The following NLGN1 variants were observed in gnomAD, a reference collection of about 807,000 sequenced individuals.
NLGN1 encodes neuroligin-1.
Under a neutral mutation model 65.5 loss-of-function variants are expected in NLGN1, and 12 were observed. The observed-to-expected ratio is 0.18, with a 90% CI of 0.12 to 0.30. NLGN1 has a LOEUF of 0.30. Among genes scored for constraint, NLGN1 ranks in the 10% least tolerant of loss-of-function variants. The probability of loss-of-function intolerance (pLI) is 1.00; values close to 1 mark genes in which losing one functional copy is unlikely to be tolerated. For missense variants in NLGN1, 750 were observed against 1,007.1 expected, an observed-to-expected ratio of 0.74 and a Z score of 3.46; for synonymous variants, 350 against 359.5, an observed-to-expected ratio of 0.97 and a Z score of 0.30.
At chr3:174,185,075 G>A (rs903909746) in intron 4 of NLGN1, among the ~76,000 whole-genome samples, 4 of 151,866 alleles carry the variant, frequency 2.6e-5, no homozygotes, top group Admixed American at 1.3e-4. Flanking sequence ...GTATGCAAAG[G>A]CCCTGCTATA....
At chr3:173,535,605 A>G (rs953145653) in intron 2 of NLGN1, among the ~76,000 whole-genome samples, 5 of 152,158 alleles carry the variant, frequency 3.3e-5, no homozygotes, top group Non-Finnish European at 7.3e-5. Flanking sequence ...AGATTATCAG[A>G]CACCACATCT....
intron 2 of NLGN1, among the ~76,000 whole-genome samples, chr3:173,517,615 T>C (rs1183052043): frequency 2.6e-5 from 4 of 152,130 alleles, no homozygotes; most frequent in Admixed American, 2.6e-4. Context: ...ACAATTCCTG[T>C]GATTAGTTTT....
At position 174,280,494 on chromosome 3, in the gene NLGN1, C is replaced by T; in HGVS notation, c.1663C>T (p.Pro555Ser). The change falls in exon 7 of 7, where the codon CCA (proline) becomes TCA (serine). Residue 555 changes from proline (P) to serine (S), a missense_variant. Pro to Ser is a moderately conservative substitution (Grantham distance 74). Coordinates refer to ENST00000457714, the Ensembl canonical transcript of NLGN1. The surrounding 1 kb of genome is among the most constrained non-coding windows in gnomAD (Gnocchi z 4.9). Reference sequence around the variant, plus strand: ...TTTCCTTCTTAGTGACCCAAATCAACCAGTCCCTCAAGACACGAAATTCAT... The same window carrying T: ...TTTCCTTCTTAGTGACCCAAATCAATCAGTCCCTCAAGACACGAAATTCAT... 1 of 1,600,092 alleles carries T rather than the reference C, an allele frequency of 6.2e-7. No homozygotes were observed. Among genetic ancestry groups the T allele is most frequent in the Non-Finnish European group, 8.5e-7 (1 of 1,174,062 alleles).
At chr3:174,068,919 C>T (rs1739233185) in intron 4 of NLGN1, among the ~76,000 whole-genome samples, 1 of 152,030 alleles carries the variant, frequency 6.6e-6, no homozygotes, top group African/African-American at 2.4e-5. Flanking sequence ...TGGGGTAATT[C>T]TAGAGATTTA....
At chr3:173,506,604 C>T (rs559014787) in intron 2 of NLGN1, among the ~76,000 whole-genome samples, 1 of 152,098 alleles carries the variant, frequency 6.6e-6, no homozygotes, top group Non-Finnish European at 1.5e-5. Flanking sequence ...GCTATTAAAC[C>T]TGCTACTATG....
intron 3 of NLGN1, among the ~76,000 whole-genome samples, chr3:173,654,211 C>G (rs1482609783): frequency 6.6e-6 from 1 of 152,118 alleles, no homozygotes; most frequent in Non-Finnish European, 1.5e-5. Context: ...CCGCTTTGCA[C>G]TAAGTTGTCA....
intron 4 of NLGN1, among the ~76,000 whole-genome samples, chr3:174,218,678 C>T (rs1336360274): frequency 1.3e-5 from 2 of 152,036 alleles, no homozygotes; most frequent in East Asian, 3.9e-4. Context: ...AAAATTGCAT[C>T]AGGACAGCAT....
At chr3:174,261,494 T>G (rs1176379995) in intron 4 of NLGN1, among the ~76,000 whole-genome samples, 4 of 148,794 alleles carry the variant, frequency 2.7e-5, no homozygotes, top group South Asian at 2.2e-4. Flanking sequence ...TTTGTCTGTT[T>G]TTGGTGTATA....
intron 3 of NLGN1, among the ~76,000 whole-genome samples, chr3:173,767,821 G>A (rs898253370): frequency 2.1e-4 from 32 of 151,864 alleles, no homozygotes; most frequent in African/African-American, 3.9e-4. Flanking sequence ...CTTGAAATGC[G>A]TCTAGACAAA....
intron 3 of NLGN1, among the ~76,000 whole-genome samples, chr3:173,728,646 A>G (rs1161256076): frequency 6.6e-6 from 1 of 152,126 alleles, no homozygotes; most frequent in Non-Finnish European, 1.5e-5. Context: ...AAAGACTGGT[A>G]TCTTTGTAAG....
intron 3 of NLGN1, among the ~76,000 whole-genome samples, chr3:173,655,781 A>C (rs1051414397): frequency 6.6e-6 from 1 of 151,980 alleles, no homozygotes; most frequent in Non-Finnish European, 1.5e-5. Flanking sequence ...CTGACACTAC[A>C]TGTATATGAC....
chr3:173,767,543 G>T (rs571148598), intron 3 of NLGN1, among the ~76,000 whole-genome samples: 1 of 152,046 alleles, frequency 6.6e-6, no homozygotes, highest in South Asian at 2.1e-4. Flanking sequence ...TAATAACAGA[G>T]AATTATCCAG....
chr3:173,474,372 G>T (rs1452201922), intron 2 of NLGN1, among the ~76,000 whole-genome samples: 1 of 152,078 alleles, frequency 6.6e-6, no homozygotes, highest in African/African-American at 2.4e-5. Flanking sequence ...CAATTATTCT[G>T]TGAAGCGTTG....
intron 2 of NLGN1, among the ~76,000 whole-genome samples, chr3:173,529,025 A>C (rs531769207): frequency 6.6e-6 from 1 of 152,272 alleles, no homozygotes; most frequent in Non-Finnish European, 1.5e-5. Flanking sequence ...ATGGTACCAG[A>C]ATTCTTATGC....
At chr3:173,979,786 G>A (rs977730081) in intron 4 of NLGN1, among the ~76,000 whole-genome samples, 15 of 152,016 alleles carry the variant, frequency 9.9e-5, no homozygotes, top group African/African-American at 3.1e-4. Context: ...TCGTGTTATT[G>A]ACTGCTTGTG....
intron 3 of NLGN1, among the ~76,000 whole-genome samples, chr3:173,673,933 C>T (rs1208201538): frequency 6.6e-6 from 1 of 152,042 alleles, no homozygotes; most frequent in Non-Finnish European, 1.5e-5. Context: ...GTTAAATACC[C>T]TTAGAGGATT....
Position 173,536,766 on chromosome 3 carries a change from C to CGT in NLGN1, c.-320-67499_-320-67498dup, listed in dbSNP as rs772493207. ...GGGGATATGTGTGTGCACGAGTGTG[C>CGT]GTGTGTGTGTGTGTGCGTAGGGAGA... is the stretch of plus-strand genomic sequence containing the variant. On this transcript the variant is annotated intron_variant, in intron 2 of 6. Coordinates refer to ENST00000457714, the Ensembl canonical transcript of NLGN1. Among the ~76,000 whole-genome samples the CGT allele has an allele frequency of 5.9e-3, 896 of 151,282 alleles. 11 individuals carry two copies. The highest frequency in any genetic ancestry group is 0.02 in the African/African-American group (835 of 41,266).
chr3:174,183,571 AT>A (rs759992486), intron 4 of NLGN1, among the ~76,000 whole-genome samples: 2 of 152,214 alleles, frequency 1.3e-5, no homozygotes, highest in African/African-American at 2.4e-5. Flanking sequence ...ACAGAAGTAA[AT>A]GTTAGGGTGA....
At chr3:174,049,991 G>A (rs773917780) in intron 4 of NLGN1, among the ~76,000 whole-genome samples, 5 of 151,874 alleles carry the variant, frequency 3.3e-5, no homozygotes, top group Admixed American at 1.3e-4. Flanking sequence ...GAGAAAAGGG[G>A]AATATTTTAG....
Sources: gnomAD v4.1 joint callset for allele counts (sites outside exome capture counted in the v4.1 genomes callset) on GRCh38, gnomAD v4.1.1 for gene constraint, Gnocchi (gnomAD v3.1) non-coding constraint, MANE v1.5 for transcripts, NCBI Gene and HGNC (gene_info 2026-07-23, HGNC 2026-07-21) for gene names.